Variants in CDH13 observed in about 807,000 individuals in gnomAD.
CDH13 encodes cadherin 13, also known as cadherin-13.
A neutral mutation model predicts 63.8 loss-of-function variants in CDH13; 24 were observed. That is an observed-to-expected ratio of 0.38 (90% confidence interval 0.27 to 0.53). The LOEUF is 0.53. Ranked by LOEUF, CDH13 falls within the 20% of genes least tolerant of loss-of-function variation. The probability of loss-of-function intolerance (pLI) is 0.85; values close to 1 mark genes in which losing one functional copy is unlikely to be tolerated. For synonymous variants in CDH13, 503 were observed against 355.3 expected (o/e 1.42, Z -4.67); for missense variants, 1,049 against 903.1 (o/e 1.16, Z -2.07).
At chr16:83,317,108 T>C (rs2090122810) in intron 5 of CDH13, among the ~76,000 whole-genome samples, 1 of 152,344 alleles carries the variant, frequency 6.6e-6, no homozygotes, top group East Asian at 1.9e-4. Flanking sequence ...AAATCAGGGT[T>C]GCTGTGAAAC....
At chr16:83,089,926 T>A (rs894362238) in intron 3 of CDH13, among the ~76,000 whole-genome samples, 4 of 152,146 alleles carry the variant, frequency 2.6e-5, no homozygotes, top group Admixed American at 6.5e-5. Flanking sequence ...TCCTAAGAGA[T>A]GCTCTGAGGA....
At chr16:83,144,721 A>G (rs1365597161) in intron 4 of CDH13, among the ~76,000 whole-genome samples, 2 of 152,242 alleles carry the variant, frequency 1.3e-5, no homozygotes, top group East Asian at 1.9e-4. Context: ...AAATCACATA[A>G]GAGTCCAACT....
chr16:83,256,844 CAAAAAAA>C (rs57312967), intron 5 of CDH13, among the ~76,000 whole-genome samples: 2 of 78,716 alleles, frequency 2.5e-5, no homozygotes, highest in Non-Finnish European at 4.8e-5. Flanking sequence ...GACTCCATCT[CAAAAAAA>C]AAAAAAAAAA....
At chr16:83,221,299 C>A (rs558489399) in intron 5 of CDH13, among the ~76,000 whole-genome samples, 146 of 152,250 alleles carry the variant, frequency 9.6e-4, no homozygotes, top group Non-Finnish European at 1.4e-3. Context: ...TGCCATCTTG[C>A]CACTCCTCCC....
chr16:83,675,400 C>T (rs1485329928), intron 9 of CDH13, among the ~76,000 whole-genome samples: 3 of 152,210 alleles, frequency 2.0e-5, no homozygotes, highest in Non-Finnish European at 2.9e-5. Context: ...GGCTCCCTCC[C>T]TCGCTGCTCC....
intron 2 of CDH13, among the ~76,000 whole-genome samples, chr16:82,956,415 C>T (rs1906112923): frequency 6.6e-6 from 1 of 152,158 alleles, no homozygotes; most frequent in African/African-American, 2.4e-5. Context: ...CAGATGTATC[C>T]TGCCACACCC....
At chr16:82,721,029 AC>A (rs1279792730) in intron 1 of CDH13, among the ~76,000 whole-genome samples, 1 of 152,210 alleles carries the variant, frequency 6.6e-6, no homozygotes, top group Non-Finnish European at 1.5e-5. Flanking sequence ...CTGGCACAAA[AC>A]ATTCATTTTA....
In CDH13 at chr16:82,672,800, C is replaced by T. The variant is rs746567535; in HGVS notation, c.45+45663C>T. ...ACACACACACACACACACACACACA[C>T]ATACACACACACACACAAAATATAT... On this transcript the variant is annotated intron_variant, in intron 1 of 13. Coordinates refer to ENST00000567109, the MANE Select transcript of CDH13 (RefSeq NM_001257.5). 6.9e-3 allele frequency among the ~76,000 whole-genome samples: 992 copies of T among 142,922 alleles called. 11 individuals carry two copies. The highest frequency in any genetic ancestry group is 0.025 in the African/African-American group (940 of 38,238). 93.8% of individuals were successfully genotyped at this position (142,922 alleles called of 152,430 possible).
chr16:83,333,892 A>G (rs551161986), intron 5 of CDH13, among the ~76,000 whole-genome samples: 9 of 152,302 alleles, frequency 5.9e-5, no homozygotes, highest in Admixed American at 2.0e-4. Flanking sequence ...TTAATGTCCT[A>G]TGGCTGCTGT....
intron 1 of CDH13, among the ~76,000 whole-genome samples, chr16:82,640,168 G>A (rs1195730970): frequency 6.6e-6 from 1 of 152,206 alleles, no homozygotes; most frequent in Non-Finnish European, 1.5e-5. Flanking sequence ...TAGAGTGATA[G>A]ACAGTGTTGT....
chr16:83,303,302 A>G (rs896478107), intron 5 of CDH13, among the ~76,000 whole-genome samples: 1 of 152,220 alleles, frequency 6.6e-6, no homozygotes, highest in Admixed American at 6.5e-5. Context: ...CTAGAAAATC[A>G]AAGGAGGATG....
At chr16:82,797,774 C>CGTGCGTGT (rs1555519462) in intron 1 of CDH13, among the ~76,000 whole-genome samples, 23 of 145,646 alleles carry the variant, frequency 1.6e-4, no homozygotes, top group African/African-American at 5.6e-4. Flanking sequence ...ACTTTAGGGC[C>CGTGCGTGT]GTGTGTGTGT....
chr16:82,763,333 C>T (rs997428447), intron 1 of CDH13, among the ~76,000 whole-genome samples: 4 of 152,176 alleles, frequency 2.6e-5, no homozygotes, highest in African/African-American at 9.7e-5. Flanking sequence ...CACAGTAAAT[C>T]ATTTATAAGT....
chr16:82,977,134 C>G (rs371569580), intron 2 of CDH13, among the ~76,000 whole-genome samples: 2 of 152,176 alleles, frequency 1.3e-5, no homozygotes, highest in African/African-American at 4.8e-5. Flanking sequence ...CAATGTGGCT[C>G]CTAAGTTCCC....
intron 1 of CDH13, among the ~76,000 whole-genome samples, chr16:82,682,220 T>C (rs559453108): frequency 2.6e-5 from 4 of 152,278 alleles, no homozygotes; most frequent in African/African-American, 9.6e-5. Context: ...ATAAACAGAA[T>C]CCCCTAGGGA....
intron 5 of CDH13, among the ~76,000 whole-genome samples, chr16:83,299,328 A>G (rs191806139): frequency 5.9e-5 from 9 of 151,432 alleles, no homozygotes; most frequent in African/African-American, 2.2e-4. Flanking sequence ...CCAGAACATT[A>G]TAAGGAAATC....
chr16:82,866,377 C>CTTTTTTTTTTTTTTTTTTTTTTTTTTTT (rs538206338), intron 2 of CDH13, among the ~76,000 whole-genome samples: 3 of 58,298 alleles, frequency 5.1e-5, no homozygotes, highest in Non-Finnish European at 8.7e-5. Context: ...TTTTCTTCTT[C>CTTTTTTTTTTTTTTTTTTTTTTTTTTTT]TTTTTTTTTT....
At chr16:83,069,267 A>G (rs926581660) in intron 3 of CDH13, among the ~76,000 whole-genome samples, 2 of 152,224 alleles carry the variant, frequency 1.3e-5, no homozygotes, top group African/African-American at 4.8e-5. Flanking sequence ...ACCAATCAGT[A>G]TTCATCCACA....
intron 10 of CDH13, among the ~76,000 whole-genome samples, chr16:83,733,547 G>C (rs1443684814): frequency 6.6e-6 from 1 of 152,166 alleles, no homozygotes; most frequent in Non-Finnish European, 1.5e-5. Flanking sequence ...CATAATGCGA[G>C]GCTCAGCCAT....
Sources: gnomAD v4.1 joint callset for allele counts (sites outside exome capture counted in the v4.1 genomes callset) on GRCh38, gnomAD v4.1.1 for gene constraint, MANE v1.5 for transcripts, NCBI Gene and HGNC (gene_info 2026-07-23, HGNC 2026-07-21) for gene names.